The following ACO1 variants were observed in gnomAD, a reference collection of about 807,000 sequenced individuals.
ACO1 encodes aconitase 1.
A neutral mutation model predicts 105.1 loss-of-function variants in ACO1; 78 were observed. That is an observed-to-expected ratio of 0.74 (90% CI 0.62 to 0.90). The LOEUF is 0.90. ACO1 is among the 40% of genes least tolerant of loss of function. The pLI is 0.00. For missense variants in ACO1, 965 were observed against 1,111.1 expected, an observed-to-expected ratio of 0.87 and a Z score of 1.87; for synonymous variants, 364 against 397.4, an observed-to-expected ratio of 0.92 and a Z score of 1.00.
chr9:32,445,684 T>A (rs191977073), intron 19 of ACO1: 1 of 236,598 alleles, frequency 4.2e-6, no homozygotes, highest in East Asian at 1.7e-4. Flanking sequence ...CTTGCTTCTC[T>A]AGTTCTTTTA....
chr9:32,443,016 A>G (rs1822516430), intron 19 of ACO1, among the ~76,000 whole-genome samples: 1 of 152,230 alleles, frequency 6.6e-6, no homozygotes, highest in Non-Finnish European at 1.5e-5. Flanking sequence ...TGTACTTACA[A>G]ATAATTTAGG....
intron 4 of ACO1, among the ~76,000 whole-genome samples, chr9:32,414,503 C>T (rs920448415): frequency 1.3e-5 from 2 of 152,162 alleles, no homozygotes; most frequent in Non-Finnish European, 2.9e-5. Context: ...AGGGTTTTAC[C>T]TGGAATTACT....
intron 1 of ACO1, among the ~76,000 whole-genome samples, chr9:32,402,423 TAAAAC>T (rs760480934): frequency 2.4e-4 from 36 of 152,268 alleles, no homozygotes; most frequent in Non-Finnish European, 4.0e-4. Context: ...GAAGATCAGA[TAAAAC>T]AGAAAAGAGC....
chr9:32,443,659 C>T (rs760619429), intron 19 of ACO1, among the ~76,000 whole-genome samples: 21 of 152,132 alleles, frequency 1.4e-4, no homozygotes, highest in Non-Finnish European at 2.6e-4. Flanking sequence ...TATCATCCTT[C>T]GCTTTATAAC....
At position 32,431,783 on chromosome 9, in the gene ACO1, G is replaced by A. The variant is rs1822244285; in HGVS notation, c.1791G>A (p.Gln597=). The change falls in exon 15 of 21, where the codon CAG becomes CAA. Residue 597 remains glutamine (Q), a synonymous_variant. Transcript: ENST00000309951. ...TCTGGCCGACTAGAGACGAGATCCA[G>A]GCAGTGGAGCGTCAGTATGTCATCC... The part of the protein sequence containing the change: ...KDIWPTRDEI[Q]AVERQYVIPG... 1 of 1,614,148 alleles carries A rather than the reference G, an allele frequency of 6.2e-7. No homozygotes were observed. The highest frequency in any genetic ancestry group is 2.2e-5 in the East Asian group (1 of 44,884).
chr9:32,401,412 C>T (rs1026121572), intron 1 of ACO1, among the ~76,000 whole-genome samples: 2 of 151,500 alleles, frequency 1.3e-5, no homozygotes, highest in Admixed American at 1.3e-4. Flanking sequence ...CTGGTTATCC[C>T]ACTAATGAGT....
chr9:32,430,804 T>C (rs536828031), intron 14 of ACO1, among the ~76,000 whole-genome samples: 1 of 152,324 alleles, frequency 6.6e-6, no homozygotes, highest in Admixed American at 6.5e-5. Flanking sequence ...CCAAAAGGAA[T>C]AGACATCTTG....
intron 3 of ACO1, 92 bp downstream of exon 3, chr9:32,407,521 CTATA>C: frequency 3.4e-6 from 4 of 1,172,922 alleles, no homozygotes; most frequent in Non-Finnish European, 4.7e-6. Context: ...TCTGCAATGA[CTATA>C]TACTTTATTA....
At chr9:32,429,086 T>C (rs528661881) in intron 12 of ACO1, among the ~76,000 whole-genome samples, 43 of 152,318 alleles carry the variant, frequency 2.8e-4, no homozygotes, top group Non-Finnish European at 5.1e-4. Flanking sequence ...TTATGACATA[T>C]ATTTTATTCA....
intron 11 of ACO1, among the ~76,000 whole-genome samples, 167 bp downstream of exon 11, chr9:32,426,164 C>A (rs2118493870): frequency 6.6e-6 from 1 of 152,288 alleles, no homozygotes; most frequent in Non-Finnish European, 1.5e-5. Flanking sequence ...TAAATAGTAT[C>A]CAAAGCAAAG....
chr9:32,390,815 A>T (rs985650998), intron 1 of ACO1, among the ~76,000 whole-genome samples: 2 of 152,226 alleles, frequency 1.3e-5, no homozygotes, highest in Non-Finnish European at 2.9e-5. Context: ...GCTTTCTAAA[A>T]AGAAAATGTT....
At chr9:32,436,171 T>TTTTTC (rs1822355388) in intron 17 of ACO1, 79 bp from the exon 18 acceptor site, 1 of 1,583,864 alleles carries the variant, frequency 6.3e-7, no homozygotes, top group Non-Finnish European at 8.7e-7. Flanking sequence ...TTGTTTTGTT[T>TTTTTC]TTTTCTTTTC....
At chr9:32,386,264 C>G (rs1821154909) in intron 1 of ACO1, 1 of 152,200 alleles carries the variant, frequency 6.6e-6, no homozygotes, top group Non-Finnish European at 1.5e-5. Flanking sequence ...ATGCTTTTGC[C>G]TTCCCTTGCA....
chr9:32,409,760 A>G (rs1344539616), intron 4 of ACO1, among the ~76,000 whole-genome samples: 1 of 152,124 alleles, frequency 6.6e-6, no homozygotes, highest in Non-Finnish European at 1.5e-5. Flanking sequence ...AGGCTGAGGC[A>G]GGAGGATCAC....
rs747105232 is a variant in ACO1, at chr9:32,419,036, A to T, written c.659-2A>T. ...TTCTTCCGGTCATGCCGTTCATTGC[A>T]GGTGTCGGTGGTATTGAAGCAGAAG... is the stretch of plus-strand genomic sequence containing the variant. On this transcript the variant is annotated splice_acceptor_variant, in intron 6 of 20. Coordinates refer to ENST00000309951, the MANE Select transcript of ACO1 (RefSeq NM_002197.3). LOFTEE classifies it high-confidence loss of function. 2 of 1,593,582 alleles carry T rather than the reference A, an allele frequency of 1.3e-6. No homozygotes were observed. The highest frequency in any genetic ancestry group is 4.5e-5 in the East Asian group (2 of 43,966).
chr9:32,389,096 T>G (rs1821212298), intron 1 of ACO1, among the ~76,000 whole-genome samples: 1 of 152,222 alleles, frequency 6.6e-6, no homozygotes, highest in South Asian at 2.1e-4. Flanking sequence ...AGCAAGCTAT[T>G]GTGCAGCCTT....
chr9:32,426,401 A>G (rs939613517), intron 11 of ACO1, among the ~76,000 whole-genome samples: 10 of 152,224 alleles, frequency 6.6e-5, no homozygotes, highest in Non-Finnish European at 1.2e-4. Context: ...GTGAGGGCAC[A>G]GGGCACTGGC....
In ACO1 at chr9:32,450,785, TG is replaced by T. The variant is rs1300970881; in HGVS notation, c.*677del. ...CAGAGACCTTTGTTGGGAGGCGGTTTGGGAGAACACATTTCTAATTTGAATG... is the reference window on the plus strand; with the variant it reads ...CAGAGACCTTTGTTGGGAGGCGGTTTGGAGAACACATTTCTAATTTGAATG... On this transcript the variant is annotated 3_prime_UTR_variant, in exon 21 of 21. Coordinates refer to ENST00000309951, the MANE Select transcript of ACO1 (RefSeq NM_002197.3). 4 of 152,206 alleles carry T rather than the reference TG, an allele frequency of 2.6e-5. No individual in the cohort carries two copies. Among genetic ancestry groups the T allele is most frequent in the Non-Finnish European group, 5.9e-5 (4 of 68,046 alleles). 9.4% of individuals were successfully genotyped at this position (152,206 alleles called of 1,614,324 possible).
At chr9:32,420,278 A>C (rs1039214997) in intron 7 of ACO1, among the ~76,000 whole-genome samples, 2 of 152,256 alleles carry the variant, frequency 1.3e-5, no homozygotes, top group Non-Finnish European at 2.9e-5. Flanking sequence ...TACGCCTTTG[A>C]AAAGTTATTT....
Sources: allele counts gnomAD v4.1 joint callset (sites outside exome capture counted in the v4.1 genomes callset), GRCh38; gene constraint gnomAD v4.1.1; transcripts MANE v1.5; gene names NCBI Gene and HGNC (gene_info 2026-07-23, HGNC 2026-07-21).